SKAP2: variants seen among roughly 807,000 people sequenced by gnomAD.
SKAP2 encodes src kinase associated phosphoprotein 2.
A neutral mutation model predicts 54.9 loss-of-function variants in SKAP2; 28 were observed. That is an observed-to-expected ratio of 0.51 (90% CI 0.38 to 0.70). The LOEUF is 0.70. SKAP2 is among the 30% of genes least tolerant of loss of function. The probability of loss-of-function intolerance (pLI) is 0.00; values close to 1 mark genes in which losing one functional copy is unlikely to be tolerated. For synonymous variants in SKAP2, 137 were observed against 134.3 expected (o/e 1.02, Z -0.14); for missense variants, 356 against 424.1 (o/e 0.84, Z 1.41).
chr7:26,703,628 A>T (rs1171444471), intron 9 of SKAP2, among the ~76,000 whole-genome samples: 1 of 152,184 alleles, frequency 6.6e-6, no homozygotes, highest in Non-Finnish European at 1.5e-5. Flanking sequence ...TTTCATCTGG[A>T]CAACAGAACT....
intron 11 of SKAP2, among the ~76,000 whole-genome samples, chr7:26,678,706 G>T (rs963281162): frequency 1.3e-5 from 2 of 152,134 alleles, no homozygotes; most frequent in African/African-American, 2.4e-5. Flanking sequence ...CTCCCAAAGT[G>T]CTGGGATTAC....
intron 4 of SKAP2, among the ~76,000 whole-genome samples, chr7:26,767,560 C>T (rs942895392): frequency 6.6e-6 from 1 of 152,100 alleles, no homozygotes; most frequent in Non-Finnish European, 1.5e-5. Flanking sequence ...GTTAGGTTGT[C>T]GATTTTAGAT....
At chr7:26,723,702 A>C (rs573698753) in intron 9 of SKAP2, among the ~76,000 whole-genome samples, 3 of 150,354 alleles carry the variant, frequency 2.0e-5, no homozygotes, top group Non-Finnish European at 4.4e-5. Context: ...TTCCTGATCA[A>C]TTTTTTTTTT....
At chr7:26,813,340 C>T (rs1002423547) in intron 4 of SKAP2, among the ~76,000 whole-genome samples, 1 of 152,120 alleles carries the variant, frequency 6.6e-6, no homozygotes, top group Non-Finnish European at 1.5e-5. Context: ...CTGATTTACA[C>T]TATACATACC....
intron 4 of SKAP2, among the ~76,000 whole-genome samples, chr7:26,740,724 G>A (rs947014173): frequency 2.6e-4 from 39 of 152,112 alleles, no homozygotes; most frequent in African/African-American, 9.2e-4. Flanking sequence ...AGTGGCTCAC[G>A]CTTGTAATCC....
chr7:26,836,807 T>C (rs1025308216), intron 4 of SKAP2, among the ~76,000 whole-genome samples: 1 of 152,174 alleles, frequency 6.6e-6, no homozygotes, highest in Non-Finnish European at 1.5e-5. Context: ...GAACTAGAAA[T>C]ACCATTTGAC....
intron 4 of SKAP2, among the ~76,000 whole-genome samples, chr7:26,760,104 T>C (rs1461305860): frequency 1.3e-5 from 2 of 152,172 alleles, no homozygotes; most frequent in African/African-American, 4.8e-5. Flanking sequence ...ATGACAGATC[T>C]TTTTTTAGGA....
At chr7:26,853,206 C>G (rs752304378) in intron 3 of SKAP2, among the ~76,000 whole-genome samples, 9 of 152,128 alleles carry the variant, frequency 5.9e-5, no homozygotes, top group African/African-American at 2.2e-4. Flanking sequence ...ACTGTTACCA[C>G]CTTCTCACTT....
intron 9 of SKAP2, among the ~76,000 whole-genome samples, chr7:26,725,000 G>A (rs964417862): frequency 3.3e-5 from 5 of 152,056 alleles, no homozygotes; most frequent in African/African-American, 4.8e-5. Context: ...GGAGAAATAC[G>A]AGGCAGAAGT....
At chr7:26,752,966 T>C (rs1313164046) in intron 4 of SKAP2, among the ~76,000 whole-genome samples, 1 of 152,206 alleles carries the variant, frequency 6.6e-6, no homozygotes, top group Non-Finnish European at 1.5e-5. Flanking sequence ...GGTAATCATA[T>C]GTACACCTGG....
intron 4 of SKAP2, among the ~76,000 whole-genome samples, chr7:26,742,858 T>G (rs866307535): frequency 4.6e-4 from 70 of 152,154 alleles, no homozygotes; most frequent in African/African-American, 1.6e-3. Context: ...ATGGAAAATC[T>G]GTTATAATAT....
intron 4 of SKAP2, among the ~76,000 whole-genome samples, chr7:26,754,400 GA>G (rs59696790): frequency 0.67 from 90,843 of 135,142 alleles, 30,059 homozygotes; most frequent in East Asian, 0.89. Context: ...TTCAAGATGT[GA>G]AAAAAAAAAA....
downstream of SKAP2, among the ~76,000 whole-genome samples, chr7:26,665,414 G>A (rs1204739902): frequency 6.6e-6 from 1 of 152,112 alleles, no homozygotes; most frequent in Non-Finnish European, 1.5e-5. Context: ...ATAGTATTAT[G>A]GGATATACTA....
chr7:26,680,934 A>T (rs1449726188), intron 11 of SKAP2, among the ~76,000 whole-genome samples: 1 of 152,212 alleles, frequency 6.6e-6, no homozygotes, highest in African/African-American at 2.4e-5. Flanking sequence ...GAAGAAAAAA[A>T]AAAATAAAGG....
At chr7:26,788,584 CCAAA>C (rs1032038438) in intron 4 of SKAP2, among the ~76,000 whole-genome samples, 1 of 151,876 alleles carries the variant, frequency 6.6e-6, no homozygotes, top group African/African-American at 2.4e-5. Flanking sequence ...CATATAAACA[CCAAA>C]CAATGTATTA....
At chr7:26,836,224 T>TA (rs1394470800) in intron 4 of SKAP2, among the ~76,000 whole-genome samples, 1 of 152,064 alleles carries the variant, frequency 6.6e-6, no homozygotes, top group African/African-American at 2.4e-5. Context: ...ATGCAAGACA[T>TA]AAAACCATAA....
At chr7:26,813,743 G>A (rs1162337657) in intron 4 of SKAP2, among the ~76,000 whole-genome samples, 2 of 152,134 alleles carry the variant, frequency 1.3e-5, no homozygotes, top group Non-Finnish European at 2.9e-5. Flanking sequence ...TCAACCAATG[G>A]CAATAGCAGC....
At chr7:26,797,336 C>G (rs1435014951) in intron 4 of SKAP2, among the ~76,000 whole-genome samples, 2 of 152,168 alleles carry the variant, frequency 1.3e-5, no homozygotes, top group African/African-American at 4.8e-5. Flanking sequence ...ACTCCACCCC[C>G]CAGCTTTAGG....
chr7:26,693,971 A>T (rs1040202285), intron 9 of SKAP2, among the ~76,000 whole-genome samples: 8 of 152,160 alleles, frequency 5.3e-5, no homozygotes, highest in East Asian at 1.9e-4. Context: ...CAAATGGATT[A>T]AAAAAATCAT....
Sources: gnomAD v4.1 joint callset for allele counts (sites outside exome capture counted in the v4.1 genomes callset) on GRCh38, gnomAD v4.1.1 for gene constraint, MANE v1.5 for transcripts, NCBI Gene and HGNC (gene_info 2026-07-23, HGNC 2026-07-21) for gene names.